The following DHX40 variants were observed in gnomAD, a reference collection of about 807,000 sequenced individuals.
DHX40 encodes the protein probable ATP-dependent RNA helicase DHX40.
A neutral mutation model predicts 89.6 loss-of-function variants in DHX40; 28 were observed. The observed-to-expected ratio is 0.31, with a 90% CI of 0.23 to 0.43. The LOEUF (loss-of-function observed/expected upper bound fraction) is 0.43. Ranked by LOEUF, DHX40 falls within the 20% of genes least tolerant of loss-of-function variation. The pLI is 1.00. For missense variants in DHX40, 457 were observed against 844.0 expected (o/e 0.54, Z 5.68); for synonymous variants, 226 against 283.6 (o/e 0.80, Z 2.04).
In DHX40 at chr17:59,591,830, A is replaced by G. The variant is rs569711355; in HGVS notation, c.1582+3777A>G. ...TCTGTATTAGGCAAGAACAAGGGCAATCTCTCATTTAACCATAGTACATTA... is the reference window on the plus strand; with the variant it reads ...TCTGTATTAGGCAAGAACAAGGGCAGTCTCTCATTTAACCATAGTACATTA... On this transcript the variant is annotated intron_variant, in intron 12 of 17. Coordinates refer to ENST00000251241, the MANE Select transcript of DHX40 (RefSeq NM_024612.5). Among the ~76,000 whole-genome samples the G allele has an allele frequency of 2.8e-4, 42 of 151,910 alleles. 1 individual carries two copies. The East Asian group carries it at 7.7e-3, about 28-fold the overall frequency.
chr17:59,591,441 T>G (rs1278244852), intron 12 of DHX40, among the ~76,000 whole-genome samples: 5 of 151,752 alleles, frequency 3.3e-5, no homozygotes, highest in Non-Finnish European at 7.4e-5. Flanking sequence ...TGGCCCTAGT[T>G]TTTCTAGATT....
At chr17:59,570,202 TAA>T (rs1408885241) in intron 2 of DHX40, among the ~76,000 whole-genome samples, 3 of 123,508 alleles carry the variant, frequency 2.4e-5, no homozygotes, top group Admixed American at 2.0e-4. Flanking sequence ...TAATATATTA[TAA>T]TATATATTAT....
At chr17:59,603,685 T>C (rs571816579) in intron 15 of DHX40, 1 of 152,284 alleles carries the variant, frequency 6.6e-6, no homozygotes, top group African/African-American at 2.4e-5. Flanking sequence ...AATGGAATTG[T>C]TTACAAGCAC....
chr17:59,586,104 A>G, intron 10 of DHX40, 49 bp from the exon 11 acceptor site: 1 of 1,347,372 alleles, frequency 7.4e-7, no homozygotes, highest in Non-Finnish European at 1.0e-6. Flanking sequence ...ATAAAATCCT[A>G]CCATGTTCAA....
At chr17:59,600,096 T>G (rs569815146) in intron 14 of DHX40, among the ~76,000 whole-genome samples, 1 of 152,306 alleles carries the variant, frequency 6.6e-6, no homozygotes, top group Non-Finnish European at 1.5e-5. Flanking sequence ...AGTGCTGGAA[T>G]TACAGGCATG....
chr17:59,587,272 G>A (rs185029088), intron 11 of DHX40, among the ~76,000 whole-genome samples: 35 of 151,306 alleles, frequency 2.3e-4, no homozygotes, highest in African/African-American at 8.5e-4. Flanking sequence ...TGCCCAGACT[G>A]GAGTACAATG....
intron 2 of DHX40, among the ~76,000 whole-genome samples, chr17:59,569,085 T>C (rs745329171): frequency 6.6e-6 from 1 of 152,056 alleles, no homozygotes. Context: ...TCCCAGCACA[T>C]TGGGAGGCTG....
intron 6 of DHX40, among the ~76,000 whole-genome samples, 158 bp from the exon 7 acceptor site, chr17:59,575,182 T>C (rs2048863666): frequency 6.6e-6 from 1 of 152,050 alleles, no homozygotes; most frequent in Admixed American, 6.6e-5. Flanking sequence ...AATTTTATTG[T>C]TGAAATATGG....
At chr17:59,588,513 G>T (rs1295894704) in intron 12 of DHX40, among the ~76,000 whole-genome samples, 1 of 152,042 alleles carries the variant, frequency 6.6e-6, no homozygotes, top group Non-Finnish European at 1.5e-5. Context: ...TGTATTTTTA[G>T]TAGAGGCGCG....
At chr17:59,600,103 C>T (rs2143348314) in intron 14 of DHX40, among the ~76,000 whole-genome samples, 1 of 152,232 alleles carries the variant, frequency 6.6e-6, no homozygotes, top group South Asian at 2.1e-4. Context: ...GAATTACAGG[C>T]ATGAGCCACT....
chr17:59,607,465 C>CA lies in DHX40; in HGVS notation c.*296dup. On this transcript the variant is annotated 3_prime_UTR_variant, in exon 18 of 18. Coordinates refer to ENST00000251241, the MANE Select transcript of DHX40 (RefSeq NM_024612.5). ...CAATTTTGCTGGCCTTAACTGGTATCAAACGCTGTCATTGAGATGTTTTCA... is the reference window on the plus strand; with the variant it reads ...CAATTTTGCTGGCCTTAACTGGTATCAAAACGCTGTCATTGAGATGTTTTCA... 1 of 587,384 alleles carries CA rather than the reference C, an allele frequency of 1.7e-6. No homozygotes were observed. The highest frequency in any genetic ancestry group is 2.2e-5 in the South Asian group (1 of 45,048). 36.4% of individuals were successfully genotyped at this position (587,384 alleles called of 1,614,324 possible).
intron 2 of DHX40, among the ~76,000 whole-genome samples, chr17:59,568,388 A>G (rs1302344754): frequency 6.6e-6 from 1 of 152,180 alleles, no homozygotes; most frequent in Non-Finnish European, 1.5e-5. Flanking sequence ...CTAATGCTTC[A>G]ATCTAAGGTG....
At chr17:59,604,834 T>TC (rs142300216) in intron 15 of DHX40, 89 of 318,452 alleles carry the variant, frequency 2.8e-4, no homozygotes, top group African/African-American at 1.7e-3. Flanking sequence ...TTAATAAAGT[T>TC]CCTGGCTCTC....
chr17:59,566,146 A>T (rs1484105325), intron 1 of DHX40, among the ~76,000 whole-genome samples: 2 of 152,102 alleles, frequency 1.3e-5, no homozygotes, highest in African/African-American at 2.4e-5. Context: ...GCCAGTTTCC[A>T]GGAGCCAGTT....
At position 59,575,386 on chromosome 17, in the gene DHX40, A is replaced by G; in HGVS notation, c.888A>G (p.Ala296=). ...GTTGTGAGTTACTTTTTCAGATGGC[A>G]GAGTCTGTTGATTATGATTATGATG... The part of the protein sequence containing the change: ...EKSCELLFQM[A]ESVDYDYDVQ... Residue 296 remains alanine (A), a synonymous_variant, in exon 7 of 18, where the codon GCA becomes GCG. Coordinates refer to ENST00000251241, the MANE Select transcript of DHX40 (RefSeq NM_024612.5). 6.2e-7 allele frequency: 1 copy of G among 1,607,068 alleles called. No individual in the cohort carries two copies. Among genetic ancestry groups the G allele is most frequent in the South Asian group, 1.1e-5 (1 of 88,760 alleles).
rs79877991 is a variant in DHX40 at position 59,596,478 on chromosome 17, G to C, written c.1583-2259G>C. 7.8e-4 allele frequency among the ~76,000 whole-genome samples: 119 copies of C among 152,348 alleles called. 2 individuals are homozygous for C. In the East Asian group the frequency reaches 0.022, roughly 28 times the overall value. Reference sequence around the variant, plus strand: ...AGCTACTTGGAAGGCTGAGACAGGAGAGTCCCTTGAACTTGGGAGGTGGAT... The same window carrying C: ...AGCTACTTGGAAGGCTGAGACAGGACAGTCCCTTGAACTTGGGAGGTGGAT... On this transcript the variant is annotated intron_variant, in intron 12 of 17. Transcript: ENST00000251241.
At chr17:59,573,679 T>A in intron 4 of DHX40, 61 bp from the exon 5 acceptor site, 2 of 1,529,754 alleles carry the variant, frequency 1.3e-6, no homozygotes, top group Non-Finnish European at 1.8e-6. Flanking sequence ...TAGCAGTGTA[T>A]CTAAAATAGT....
At chr17:59,569,692 G>GA (rs1411166319) in intron 2 of DHX40, among the ~76,000 whole-genome samples, 89 of 133,774 alleles carry the variant, frequency 6.7e-4, no homozygotes, top group Middle Eastern at 3.9e-3. Flanking sequence ...TCTCAAAAAA[G>GA]AAAAAAATAT....
chr17:59,595,956 A>G (rs1312615402), intron 12 of DHX40, among the ~76,000 whole-genome samples: 1 of 151,936 alleles, frequency 6.6e-6, no homozygotes, highest in Non-Finnish European at 1.5e-5. Flanking sequence ...CTTACATACA[A>G]CTGAGTTTTT....
Sources: allele counts gnomAD v4.1 joint callset (sites outside exome capture counted in the v4.1 genomes callset), GRCh38; gene constraint gnomAD v4.1.1; transcripts MANE v1.5; gene names NCBI Gene and HGNC (gene_info 2026-07-23, HGNC 2026-07-21).